Variants in SLC25A15 observed in about 807,000 individuals in gnomAD.
SLC25A15 encodes the protein solute carrier family 25 member 15.
In SLC25A15, 24 loss-of-function variants were observed where a neutral mutation model predicts 32.3. That is an observed-to-expected ratio of 0.74 (90% CI 0.54 to 1.04). SLC25A15 has a LOEUF of 1.04. Among genes scored for constraint, SLC25A15 ranks in the 50% least tolerant of loss-of-function variants. SLC25A15 has a pLI of 0.00. For synonymous variants in SLC25A15, 132 were observed against 142.1 expected (o/e 0.93, Z 0.51); for missense variants, 317 against 374.5 (o/e 0.85, Z 1.27).
rs1882404994 is a variant in SLC25A15, at chr13:40,810,578, T to A, written c.*911T>A. Among the ~76,000 whole-genome samples the A allele has an allele frequency of 6.6e-6, 1 of 152,218 alleles. No individual in the cohort carries two copies. The highest frequency in any genetic ancestry group is 1.5e-5 in the Non-Finnish European group (1 of 68,038). ...GTGGCTTCCACACTTGAGTAAAAGC[T>A]TCAGAGTAGGTATCCTAGATTTCCC... On this transcript the variant is annotated 3_prime_UTR_variant, in exon 7 of 7. Coordinates refer to ENST00000338625, the MANE Select transcript of SLC25A15 (RefSeq NM_014252.4).
rs191780003 is a variant in SLC25A15 at position 40,808,421 on chromosome 13, A to G, written c.623-17A>G. On this transcript the variant is annotated splice_polypyrimidine_tract_variant and intron_variant, in intron 5 of 6. Transcript: ENST00000338625. ...TTCTTGAGACAAAATACCATTTGCTATTTTTTTTTTCTCTAGGCCCTGTAC... is the reference window on the plus strand; with the variant it reads ...TTCTTGAGACAAAATACCATTTGCTGTTTTTTTTTTCTCTAGGCCCTGTAC... 2.0e-3 allele frequency: 2,929 copies of G among 1,430,346 alleles called. 22 individuals carry two copies. The African/African-American group carries it at 0.027, about 13-fold the overall frequency. 88.6% of individuals were successfully genotyped at this position (1,430,346 alleles called of 1,614,324 possible).
intron 3 of SLC25A15, among the ~76,000 whole-genome samples, chr13:40,799,642 G>A (rs367960003): frequency 1.2e-4 from 19 of 152,106 alleles, no homozygotes; most frequent in African/African-American, 4.3e-4. Context: ...AACCACATAT[G>A]CACACCACAG....
intron 1 of SLC25A15, among the ~76,000 whole-genome samples, chr13:40,790,585 ATTTG>A (rs1293676601): frequency 1.3e-5 from 2 of 152,028 alleles, no homozygotes; most frequent in African/African-American, 4.8e-5. Flanking sequence ...TGTAGAATTT[ATTTG>A]TTTGTTTATT....
intron 3 of SLC25A15, among the ~76,000 whole-genome samples, chr13:40,803,689 T>C (rs1881994576): frequency 6.6e-6 from 1 of 152,214 alleles, no homozygotes; most frequent in East Asian, 1.9e-4. Flanking sequence ...CTTCACCCAC[T>C]CCTGTGGCAC....
chr13:40,790,253 C>A (rs1460697404), intron 1 of SLC25A15, among the ~76,000 whole-genome samples: 2 of 152,204 alleles, frequency 1.3e-5, no homozygotes, highest in Non-Finnish European at 2.9e-5. Context: ...GCAGCCTCAT[C>A]TACTGACTCT....
At position 40,812,228 on chromosome 13, in the gene SLC25A15, A is replaced by C. The variant is rs1882485741; in HGVS notation, c.*2561A>C. 6.6e-6 allele frequency among the ~76,000 whole-genome samples: 1 copy of C among 152,230 alleles called. No individual in the cohort carries two copies. The highest frequency in any genetic ancestry group is 2.4e-5 in the African/African-American group (1 of 41,456). On this transcript the variant is annotated 3_prime_UTR_variant, in exon 7 of 7. Transcript: ENST00000338625. ...CCCTGTTGGCAGTAAATCTTCCCAC[A>C]GGCCGTCCATTAGAGATTTAACTAG...
At chr13:40,795,586 G>A (rs1021336418) in intron 2 of SLC25A15, among the ~76,000 whole-genome samples, 3 of 152,228 alleles carry the variant, frequency 2.0e-5, no homozygotes, top group Middle Eastern at 3.4e-3. Context: ...GCCCCTCACC[G>A]AGGTAGAGAT....
intron 3 of SLC25A15, among the ~76,000 whole-genome samples, chr13:40,799,730 A>T (rs1284331756): frequency 1.3e-5 from 2 of 152,192 alleles, no homozygotes; most frequent in African/African-American, 4.8e-5. Context: ...TGCTGTTCAG[A>T]TGCAGCTGGC....
At chr13:40,793,382 T>A in intron 2 of SLC25A15, 101 bp downstream of exon 2, 1 of 1,053,966 alleles carries the variant, frequency 9.5e-7, no homozygotes, top group Non-Finnish European at 1.4e-6. Context: ...CTGTACCTTT[T>A]CTGTGTTTAG....
intron 3 of SLC25A15, among the ~76,000 whole-genome samples, chr13:40,804,712 T>C (rs1593293828): frequency 6.6e-6 from 1 of 151,530 alleles, no homozygotes; most frequent in Admixed American, 6.6e-5. Flanking sequence ...CGGCTAATTT[T>C]TTTTTTTTTT....
At chr13:40,808,373 C>G in intron 5 of SLC25A15, 65 bp from the exon 6 acceptor site, 1 of 1,394,960 alleles carries the variant, frequency 7.2e-7, no homozygotes, top group Non-Finnish European at 1.0e-6. Flanking sequence ...CTACATTGAC[C>G]TCTGGAAATG....
rs9549293 is a variant in SLC25A15 at position 40,810,020 on chromosome 13, A to G, written c.*353A>G. 129,713 of 319,778 alleles carry G rather than the reference A, an allele frequency of 0.41. 27,677 individuals are homozygous for G. The highest frequency in any genetic ancestry group is 0.53 in the East Asian group (6,806 of 12,738). The allele number at this position is 319,778 out of a possible 1,614,324, so 19.8% of individuals were successfully genotyped here. ...TTTGGACAGTTATGTGTTGAGGGAA[A>G]TACAGTTTGGTACCTTGTTTATTTC... On this transcript the variant is annotated 3_prime_UTR_variant, in exon 7 of 7. Coordinates refer to ENST00000338625, the MANE Select transcript of SLC25A15 (RefSeq NM_014252.4).
intron 3 of SLC25A15, 123 bp downstream of exon 3, chr13:40,799,438 G>A: frequency 7.8e-7 from 1 of 1,280,290 alleles, no homozygotes; most frequent in Non-Finnish European, 1.1e-6. Flanking sequence ...ATGGCTTGAG[G>A]CTGAGAGTTC....
At chr13:40,807,212 C>A in intron 4 of SLC25A15, 82 bp from the exon 5 acceptor site, 1 of 1,262,214 alleles carries the variant, frequency 7.9e-7, no homozygotes. Flanking sequence ...TTGATCAGAT[C>A]TGTTAATTGG....
intron 1 of SLC25A15, among the ~76,000 whole-genome samples, chr13:40,790,829 C>T (rs907636745): frequency 2.0e-5 from 3 of 152,184 alleles, no homozygotes; most frequent in East Asian, 1.9e-4. Context: ...TCAGGTGATC[C>T]GCCCGCCTTG....
At chr13:40,801,046 A>G (rs964221150) in intron 3 of SLC25A15, among the ~76,000 whole-genome samples, 3 of 152,224 alleles carry the variant, frequency 2.0e-5, no homozygotes, top group South Asian at 2.1e-4. Context: ...CAACCTGAGC[A>G]ACATGGCAAA....
At chr13:40,802,711 A>C (rs1368697619) in intron 3 of SLC25A15, among the ~76,000 whole-genome samples, 1 of 151,770 alleles carries the variant, frequency 6.6e-6, no homozygotes, top group Non-Finnish European at 1.5e-5. Flanking sequence ...AGTAGCTGGG[A>C]CTACAGGCGC....
In SLC25A15 at chr13:40,810,777, A is replaced by G; in HGVS notation, c.*1110A>G. On this transcript the variant is annotated 3_prime_UTR_variant, in exon 7 of 7. Coordinates refer to ENST00000338625, the MANE Select transcript of SLC25A15 (RefSeq NM_014252.4). Reference sequence around the variant, plus strand: ...CCCTTCTTGGGCTTTAGATTGAGGAAGGGGCTGAGTGGTAGGCGGTGCTGC... The same window carrying G: ...CCCTTCTTGGGCTTTAGATTGAGGAGGGGGCTGAGTGGTAGGCGGTGCTGC... 1 of 534,742 alleles carries G rather than the reference A, an allele frequency of 1.9e-6. No individual in the cohort carries two copies. Among genetic ancestry groups the G allele is most frequent in the South Asian group, 1.4e-5 (1 of 71,592 alleles). 33.1% of individuals were successfully genotyped at this position (534,742 alleles called of 1,614,324 possible).
At chr13:40,798,821 C>T in intron 2 of SLC25A15, 1 of 985,306 alleles carries the variant, frequency 1.0e-6, no homozygotes, top group South Asian at 4.7e-5. Context: ...CTGTTGAACA[C>T]ATGTCTGTCT....
Sources: gnomAD v4.1 joint callset for allele counts (sites outside exome capture counted in the v4.1 genomes callset) on GRCh38, gnomAD v4.1.1 for gene constraint, MANE v1.5 for transcripts, NCBI Gene and HGNC (gene_info 2026-07-23, HGNC 2026-07-21) for gene names.